RP1L1: variants seen among roughly 807,000 people sequenced by gnomAD.
RP1L1 encodes retinitis pigmentosa 1-like 1 protein.
Under a neutral mutation model 15.7 loss-of-function variants are expected in RP1L1, and 27 were observed. The observed-to-expected ratio is 1.72, with a 90% CI of 1.27 to 2.38. The LOEUF is 2.38. Among genes scored for constraint, RP1L1 ranks in the 30% most tolerant of loss-of-function variants. The pLI, the probability that RP1L1 is intolerant of heterozygous loss-of-function variation, is 0.00. For synonymous variants in RP1L1, 1,813 were observed against 1,276.7 expected, an observed-to-expected ratio of 1.42 and a Z score of -8.96; for missense variants, 4,798 against 3,075.9, an observed-to-expected ratio of 1.56 and a Z score of -13.24.
At chr8:10,616,080 T>G (rs993981834) in intron 3 of RP1L1, among the ~76,000 whole-genome samples, 10 of 151,794 alleles carry the variant, frequency 6.6e-5, no homozygotes, top group African/African-American at 2.4e-4. Context: ...TATTTTTTTG[T>G]ATTTTTTTTT....
At chr8:10,642,230 T>C (rs1798417472) in intron 1 of RP1L1, among the ~76,000 whole-genome samples, 1 of 151,798 alleles carries the variant, frequency 6.6e-6, no homozygotes, top group South Asian at 2.1e-4. Context: ...GGATGTATGG[T>C]AAAGACTGTT....
Position 10,607,179 on chromosome 8 carries a change from C to T in RP1L1, c.6919G>A (p.Gly2307Ser), listed in dbSNP as rs773105183. 1.2e-6 allele frequency: 2 copies of T among 1,614,212 alleles called. No individual in the cohort carries two copies. The highest frequency in any genetic ancestry group is 1.7e-6 in the Non-Finnish European group (2 of 1,180,034). ...TCTGAGTCTTTCTGCCAGCAGTTGC[C>T]CCAAGAGGATGCTCTGGAGGAGGAA... Reference protein sequence around the residue: ...GPSSSRASSWGNCWQKDSEND... With the variant: ...GPSSSRASSWSNCWQKDSEND... Residue 2307 changes from glycine (G) to serine (S), a missense_variant, in exon 4 of 4, where the codon GGC (glycine) becomes AGC (serine). Coordinates refer to ENST00000382483, the MANE Select transcript of RP1L1 (RefSeq NM_178857.6).
intron 1 of RP1L1, among the ~76,000 whole-genome samples, chr8:10,650,619 C>G (rs1050348826): frequency 6.6e-6 from 1 of 150,528 alleles, no homozygotes; most frequent in Non-Finnish European, 1.5e-5. Context: ...TGCAGTGGTG[C>G]GATCTCAGCT....
At chr8:10,635,832 G>T (rs565178010) in intron 1 of RP1L1, among the ~76,000 whole-genome samples, 1 of 152,360 alleles carries the variant, frequency 6.6e-6, no homozygotes, top group Admixed American at 6.5e-5. Flanking sequence ...AGCGCTGAGA[G>T]TGGGGACTCA....
intron 3 of RP1L1, among the ~76,000 whole-genome samples, chr8:10,615,484 G>A (rs559441696): frequency 2.6e-5 from 4 of 152,256 alleles, no homozygotes; most frequent in African/African-American, 9.6e-5. Context: ...ACCCTGAAAG[G>A]ATGCAACGCC....
intron 2 of RP1L1, among the ~76,000 whole-genome samples, chr8:10,619,487 T>C (rs1294956144): frequency 6.6e-6 from 1 of 152,112 alleles, no homozygotes; most frequent in Non-Finnish European, 1.5e-5. Flanking sequence ...CCCCCAAAAC[T>C]CACCTTCCTC....
intron 1 of RP1L1, among the ~76,000 whole-genome samples, chr8:10,644,830 G>A (rs1798453340): frequency 6.6e-6 from 1 of 152,154 alleles, no homozygotes; most frequent in Admixed American, 6.5e-5. Flanking sequence ...GGGCTCTAAT[G>A]TACAGCCAGG....
chr8:10,609,675 G>A lies in RP1L1; in HGVS notation c.4423C>T (p.Pro1475Ser). Reference sequence around the variant, plus strand: ...GCTCCGGGCGGCTTTTCCAAACCAGGCTCAAGCTGGGAGCCACTCTGCCTC... The same window carrying A: ...GCTCCGGGCGGCTTTTCCAAACCAGACTCAAGCTGGGAGCCACTCTGCCTC... ...SERQSGSQLE[P>S]GLEKPPGATM... Residue 1475 changes from proline (P) to serine (S), a missense_variant, in exon 4 of 4, where the codon CCT becomes TCT. Coordinates refer to ENST00000382483, the MANE Select transcript of RP1L1 (RefSeq NM_178857.6). 3.1e-6 allele frequency: 5 copies of A among 1,612,182 alleles called. No individual in the cohort carries two copies. The highest frequency in any genetic ancestry group is 3.4e-6 in the Non-Finnish European group (4 of 1,179,986).
rs768251529 is a variant in RP1L1, at chr8:10,611,907, C to A, written c.2191G>T (p.Asp731Tyr). The stretch of plus-strand genomic sequence containing the variant: ...GTGGCACTGCTGGTTCCCAGAAGGT[C>A]CTGGGAAGGAAGAGAGCCCGAGGAG... ...PPSSGSLPSQDLLGTSSATVT... is the reference protein window; with the variant it reads ...PPSSGSLPSQYLLGTSSATVT... Residue 731 changes from aspartate (D) to tyrosine (Y), a missense_variant, in exon 4 of 4, where the codon GAC becomes TAC. By Grantham distance (160) the Asp-to-Tyr change is radical. Transcript: ENST00000382483. 1.2e-6 allele frequency: 2 copies of A among 1,613,894 alleles called. No homozygotes were observed. The highest frequency in any genetic ancestry group is 1.3e-5 in the African/African-American group (1 of 75,072).
At chr8:10,628,209 G>C (rs575208895) in intron 1 of RP1L1, among the ~76,000 whole-genome samples, 2 of 152,156 alleles carry the variant, frequency 1.3e-5, no homozygotes, top group Non-Finnish European at 2.9e-5. Context: ...TTAAACCACA[G>C]GATCACTGAG....
intron 1 of RP1L1, among the ~76,000 whole-genome samples, chr8:10,632,344 T>C (rs568012934): frequency 9.2e-5 from 14 of 152,352 alleles, no homozygotes; most frequent in African/African-American, 3.4e-4. Flanking sequence ...CCTCTGGAAA[T>C]GGAGGCGGCA....
chr8:10,654,224 T>A (rs1563144221), intron 1 of RP1L1, among the ~76,000 whole-genome samples: 1 of 152,114 alleles, frequency 6.6e-6, no homozygotes, highest in African/African-American at 2.4e-5. Context: ...GTCATTACCA[T>A]AAAGAGAGCA....
In RP1L1 at chr8:10,607,389, C is replaced by A; in HGVS notation, c.6709G>T (p.Ala2237Ser). The change falls in exon 4 of 4, where the codon GCC becomes TCC. Residue 2237 changes from alanine to serine, a missense_variant. Ala to Ser is a moderately conservative substitution (Grantham distance 99). Transcript: ENST00000382483. ...GVETPEAEGE[A>S]QPESEGETQG... ...GTTTCTCCTTCTGACTCTGGCTGGG[C>A]CTCCCCTTCAGCCTCCGGGGTCTCT... is the stretch of plus-strand genomic sequence containing the variant. 1 of 1,605,434 alleles carries A rather than the reference C, an allele frequency of 6.2e-7. No individual in the cohort carries two copies. Among genetic ancestry groups the A allele is most frequent in the East Asian group, 2.3e-5 (1 of 44,296 alleles).
chr8:10,636,395 A>C (rs1798330371), intron 1 of RP1L1, among the ~76,000 whole-genome samples: 1 of 152,098 alleles, frequency 6.6e-6, no homozygotes, highest in Admixed American at 6.5e-5. Flanking sequence ...GCCTTGGAGG[A>C]ATGAATCAAC....
In RP1L1 at chr8:10,612,149, G is replaced by T. The variant is rs1228547467; in HGVS notation, c.1949C>A (p.Ser650Ter). Reference sequence around the variant, plus strand: ...TCGGCCAAGGCCAGGGCTGCTGGGTGAGGACATTGCACTGGCCCGGCTTCT... The same window carrying T: ...TCGGCCAAGGCCAGGGCTGCTGGGTTAGGACATTGCACTGGCCCGGCTTCT... ...RHRSRASAMS[S>*]PSSPGLGRVA... The change falls in exon 4 of 4, where the codon TCA becomes TAA. Residue 650 changes from serine (S) to a stop codon, truncating the protein, a stop_gained. Coordinates refer to ENST00000382483, the MANE Select transcript of RP1L1 (RefSeq NM_178857.6). LOFTEE classifies it low-confidence loss of function (END_TRUNC). 6.2e-7 allele frequency: 1 copy of T among 1,613,558 alleles called. No individual in the cohort carries two copies. Among genetic ancestry groups the T allele is most frequent in the South Asian group, 1.1e-5 (1 of 91,092 alleles).
In RP1L1 at chr8:10,608,945, G is replaced by A. The variant is rs772629908; in HGVS notation, c.5153C>T (p.Thr1718Met). The A allele has an allele frequency of 4.2e-5, 67 of 1,613,866 alleles. No individual in the cohort carries two copies. The Admixed American group carries it at 7.2e-4, about 17-fold the overall frequency. The change falls in exon 4 of 4, where the codon ACG (threonine) becomes ATG (methionine). Residue 1718 changes from threonine (T) to methionine (M), a missense_variant. By Grantham distance (81) the Thr-to-Met change is moderately conservative (BLOSUM62 -1). Coordinates refer to ENST00000382483, the MANE Select transcript of RP1L1 (RefSeq NM_178857.6). ...AGCTCCCTGGACAGTCCTAGTGCTC[G>A]TGGGGTCCGTGTGGGTCTTGCCAGG... ...VAPGKTHTDPTSTRTVQGAEG... is the reference protein window; with the variant it reads ...VAPGKTHTDPMSTRTVQGAEG...
intron 2 of RP1L1, 107 bp downstream of exon 2, chr8:10,622,486 G>C: frequency 7.1e-7 from 1 of 1,414,918 alleles, no homozygotes. Context: ...TAGCAGCAGG[G>C]CAATCAAATG....
intron 1 of RP1L1, among the ~76,000 whole-genome samples, chr8:10,626,291 C>G (rs1426880663): frequency 6.6e-6 from 1 of 152,106 alleles, no homozygotes; most frequent in African/African-American, 2.4e-5. Context: ...GGCAGGAACC[C>G]AAGCTAGGCC....
Position 10,610,429 on chromosome 8 carries a change from C to G in RP1L1, c.3669G>C (p.Leu1223=), listed in dbSNP as rs760892739. Residue 1223 remains leucine, a synonymous_variant, in exon 4 of 4, where the codon CTG becomes CTC. Transcript: ENST00000382483. ...SSVPCAMDGT[L]VTQGTELPLK... ...GGGGCAGCTCTGTCCCCTGTGTCACCAGGGTGCCGTCCATGGCACAGGGTA... is the reference window on the plus strand; with the variant it reads ...GGGGCAGCTCTGTCCCCTGTGTCACGAGGGTGCCGTCCATGGCACAGGGTA... 6.8e-6 allele frequency: 11 copies of G among 1,613,768 alleles called. No homozygotes were observed. The highest frequency in any genetic ancestry group is 2.7e-5 in the African/African-American group (2 of 74,924).
Sources: gnomAD v4.1 joint callset for allele counts (sites outside exome capture counted in the v4.1 genomes callset) on GRCh38, gnomAD v4.1.1 for gene constraint, MANE v1.5 for transcripts, NCBI Gene and HGNC (gene_info 2026-07-23, HGNC 2026-07-21) for gene names.